The following FAM76B variants were observed in gnomAD, a reference collection of about 807,000 sequenced individuals.
FAM76B encodes family with sequence similarity 76 member B, also known as protein FAM76B.
A neutral mutation model predicts 51.8 loss-of-function variants in FAM76B; 16 were observed. The observed-to-expected ratio is 0.31, with a 90% confidence interval of 0.21 to 0.47. The LOEUF (loss-of-function observed/expected upper bound fraction) is 0.47, where lower values mean the gene tolerates loss of function less well. Ranked by LOEUF, FAM76B falls within the 20% of genes least tolerant of loss-of-function variation. FAM76B has a pLI of 1.00. For synonymous variants in FAM76B, 166 were observed against 129.5 expected (o/e 1.28, Z -1.91); for missense variants, 342 against 392.6 (o/e 0.87, Z 1.09).
At chr11:95,779,019 A>G in intron 7 of FAM76B, 62 bp from the exon 8 acceptor site, 3 of 1,597,868 alleles carry the variant, frequency 1.9e-6, no homozygotes, top group South Asian at 1.1e-5. Flanking sequence ...AGGTGTTCAA[A>G]TTGCATAAAT....
At position 95,788,579 on chromosome 11, in the gene FAM76B, ACATT is replaced by A. The variant is rs770588907; in HGVS notation, c.88-20_88-17del. On this transcript the variant is annotated splice_polypyrimidine_tract_variant and intron_variant, in intron 1 of 9. Coordinates refer to ENST00000358780, the MANE Select transcript of FAM76B (RefSeq NM_144664.5). ...TCCGACATTCCTGTAATAAGACAAT[ACATT>A]AGTCAGTATCTTTCTGAAAGTCCCA... 1,333 of 1,605,192 alleles carry A rather than the reference ACATT, an allele frequency of 8.3e-4. 3 individuals carry two copies. The highest frequency in any genetic ancestry group is 1.3e-3 in the Admixed American group (76 of 59,656).
chr11:95,788,255 G>A (rs370105916), intron 2 of FAM76B, among the ~76,000 whole-genome samples: 5 of 152,088 alleles, frequency 3.3e-5, no homozygotes, highest in African/African-American at 4.8e-5. Flanking sequence ...TCATTAGCAA[G>A]GCTGTACATT....
intron 8 of FAM76B, among the ~76,000 whole-genome samples, chr11:95,777,514 A>G (rs1257994127): frequency 6.6e-6 from 1 of 151,388 alleles, no homozygotes; most frequent in African/African-American, 2.4e-5. Flanking sequence ...TCTCAAGGCT[A>G]ATGCAGATAT....
intron 9 of FAM76B, among the ~76,000 whole-genome samples, chr11:95,773,766 T>C (rs1859875972): frequency 6.6e-6 from 1 of 151,362 alleles, no homozygotes; most frequent in Admixed American, 6.6e-5. Context: ...TTTAACCACT[T>C]ACCTAATTAA....
intron 5 of FAM76B, 88 bp from the exon 6 acceptor site, chr11:95,780,014 TTA>T (rs1347508064): frequency 1.6e-6 from 2 of 1,234,628 alleles, no homozygotes; most frequent in Admixed American, 4.6e-5. Context: ...GATACAAATT[TTA>T]TGTTTATAAT....
chr11:95,786,042 T>C (rs768571384), intron 4 of FAM76B, 77 bp downstream of exon 4: 434 of 1,520,974 alleles, frequency 2.9e-4, no homozygotes, highest in Non-Finnish European at 3.7e-4. Flanking sequence ...GTCTCAGTAG[T>C]GTATTAATTA....
chr11:95,771,326 C>G lies in FAM76B; in HGVS notation c.*235G>C. ...TACAACTGTTTAATACTATTGCTGG[C>G]AAAAAAGTTCCTGGATATCAAATAA... On this transcript the variant is annotated 3_prime_UTR_variant, in exon 10 of 10. Coordinates refer to ENST00000358780, the MANE Select transcript of FAM76B (RefSeq NM_144664.5). The G allele has an allele frequency of 2.6e-6, 1 of 379,216 alleles. No individual in the cohort carries two copies. Among genetic ancestry groups the G allele is most frequent in the Admixed American group, 4.1e-5 (1 of 24,582 alleles). 23.5% of individuals were successfully genotyped at this position (379,216 alleles called of 1,614,324 possible).
chr11:95,775,257 A>G (rs1438391063), intron 9 of FAM76B, among the ~76,000 whole-genome samples: 2 of 151,516 alleles, frequency 1.3e-5, no homozygotes, highest in East Asian at 3.9e-4. Flanking sequence ...ATATGGTAGC[A>G]TTCTGTATCC....
rs766474112 is a variant in FAM76B, at chr11:95,783,035, T to C, written c.563+30A>G. The stretch of plus-strand genomic sequence containing the variant: ...AATGGCATTAAAATGCAAGGAAGAG[T>C]TTTAGAAAATATGATTTCAAAGTAC... On this transcript the variant is annotated intron_variant, in intron 5 of 9. Transcript: ENST00000358780. The C allele has an allele frequency of 1.2e-5, 20 of 1,608,628 alleles. No homozygotes were observed. In the South Asian group the frequency reaches 2.1e-4, roughly 17 times the overall value.
chr11:95,784,596 T>G (rs1308174417), intron 4 of FAM76B, among the ~76,000 whole-genome samples: 1 of 150,520 alleles, frequency 6.6e-6, no homozygotes, highest in East Asian at 1.9e-4. Flanking sequence ...ACACACAATT[T>G]TTTTTTTTTT....
chr11:95,787,775 A>G, intron 2 of FAM76B, 97 bp from the exon 3 acceptor site: 1 of 1,027,726 alleles, frequency 9.7e-7, no homozygotes, highest in Non-Finnish European at 1.4e-6. Context: ...GTTGTACTTA[A>G]AACTTTAATA....
At chr11:95,776,930 TA>T (rs59241219) in intron 8 of FAM76B, among the ~76,000 whole-genome samples, 3,039 of 144,584 alleles carry the variant, frequency 0.021, 108 homozygotes, top group African/African-American at 0.072. Flanking sequence ...ATAGTCTTAT[TA>T]AAAAAAAAAA....
chr11:95,777,697 T>C lies in FAM76B; in HGVS notation c.828+1125A>G, dbSNP rs150550763. The stretch of plus-strand genomic sequence containing the variant: ...AAATTTGCTTAAAGTAAGCTACAAA[T>C]GTATTAAAATAAATTAAGCCCACTA... On this transcript the variant is annotated intron_variant, in intron 8 of 9. Coordinates refer to ENST00000358780, the MANE Select transcript of FAM76B (RefSeq NM_144664.5). Among the ~76,000 whole-genome samples, 208 of 151,512 alleles carry C rather than the reference T, an allele frequency of 1.4e-3. No individual in the cohort carries two copies. The Middle Eastern group carries it at 0.017, about 12-fold the overall frequency.
rs1409094019 is a variant in FAM76B, at chr11:95,780,883, T to TAC, written c.564-959_564-958dup. Among the ~76,000 whole-genome samples, 7 of 152,164 alleles carry TAC rather than the reference T, an allele frequency of 4.6e-5. No homozygotes were observed. In the East Asian group the frequency reaches 1.2e-3, roughly 25 times the overall value. ...TATACAAAATAGACATATATATATA[T>TAC]ACATGTTTACTTGTGTCTAAAATTT... is the stretch of plus-strand genomic sequence containing the variant. On this transcript the variant is annotated intron_variant, in intron 5 of 9. Transcript: ENST00000358780.
chr11:95,780,053 A>C, intron 5 of FAM76B, 127 bp from the exon 6 acceptor site: 4 of 815,684 alleles, frequency 4.9e-6, no homozygotes, highest in Non-Finnish European at 7.5e-6. Flanking sequence ...GGTATATTTA[A>C]GTTTTCAGAC....
intron 1 of FAM76B, 110 bp downstream of exon 1, chr11:95,789,282 C>G: frequency 7.9e-7 from 1 of 1,270,522 alleles, no homozygotes. Flanking sequence ...GCTCCAGACT[C>G]CCAAACCCCT....
At chr11:95,777,463 C>A (rs185257420) in intron 8 of FAM76B, among the ~76,000 whole-genome samples, 1 of 151,442 alleles carries the variant, frequency 6.6e-6, no homozygotes, top group East Asian at 1.9e-4. Flanking sequence ...GTTTTGAAAT[C>A]ATTGCTATTT....
intron 2 of FAM76B, 83 bp downstream of exon 2, chr11:95,788,416 T>C (rs1023938950): frequency 2.6e-6 from 3 of 1,139,158 alleles, no homozygotes; most frequent in African/African-American, 1.6e-5. Flanking sequence ...AATACTTTCA[T>C]AAAAACATGG....
chr11:95,782,988 T>G (rs1642471898), intron 5 of FAM76B, 77 bp downstream of exon 5: 2 of 1,550,508 alleles, frequency 1.3e-6, no homozygotes, highest in Admixed American at 1.7e-5. Flanking sequence ...TAGTCAATAT[T>G]TGCAAGAAGT....
Sources: gnomAD v4.1 joint callset for allele counts (sites outside exome capture counted in the v4.1 genomes callset) on GRCh38, gnomAD v4.1.1 for gene constraint, MANE v1.5 for transcripts, NCBI Gene and HGNC (gene_info 2026-07-23, HGNC 2026-07-21) for gene names.